NKTR: variants seen among roughly 807,000 people sequenced by gnomAD.
NKTR encodes NK-tumor recognition protein.
A neutral mutation model predicts 156.3 loss-of-function variants in NKTR; 67 were observed. The observed-to-expected ratio is 0.43, with a 90% confidence interval of 0.35 to 0.53. The LOEUF (loss-of-function observed/expected upper bound fraction) is 0.53. Ranked by LOEUF, NKTR falls within the 20% of genes least tolerant of loss-of-function variation. NKTR has a pLI of 0.01. For missense variants in NKTR, 1,604 were observed against 1,730.9 expected, an observed-to-expected ratio of 0.93 and a Z score of 1.30; for synonymous variants, 640 against 596.6, an observed-to-expected ratio of 1.07 and a Z score of -1.06.
chr3:42,601,255 G>C (rs912941304), intron 2 of NKTR, 191 bp downstream of exon 2: 1 of 446,602 alleles, frequency 2.2e-6, no homozygotes, highest in Non-Finnish European at 4.0e-6. Flanking sequence ...TCGCAGTCCG[G>C]GCCTCTTCCT....
At position 42,638,935 on chromosome 3, in the gene NKTR, A is replaced by G; in HGVS notation, c.3231A>G (p.Ser1077=). Residue 1077 remains serine (S), a synonymous_variant, in exon 13 of 17, where the codon TCA becomes TCG. Coordinates refer to ENST00000232978, the MANE Select transcript of NKTR (RefSeq NM_005385.4). ...SGKHDTVTVS[S]DLDQFTKDDS... The stretch of plus-strand genomic sequence containing the variant: ...AACATGATACAGTGACTGTTTCATC[A>G]GATCTTGATCAGTTTACTAAAGATG... The G allele has an allele frequency of 6.2e-7, 1 of 1,612,874 alleles. No individual in the cohort carries two copies. The highest frequency in any genetic ancestry group is 8.5e-7 in the Non-Finnish European group (1 of 1,178,932).
In NKTR at chr3:42,600,708, TG is replaced by T. The variant is rs755992337; in HGVS notation, c.-90del. ...GGAGACGGCGTTCCGTTAGCGGCGT[TG>T]GGGTTTGGCTGCAGTGGCAGTGCTT... On this transcript the variant is annotated 5_prime_UTR_variant, in exon 1 of 17. Transcript: ENST00000232978. The T allele has an allele frequency of 5.9e-5, 15 of 253,180 alleles. No homozygotes were observed. The highest frequency in any genetic ancestry group is 3.2e-4 in the African/African-American group (14 of 44,438). The allele number at this position is 253,180 out of a possible 1,614,324, so 15.7% of individuals were successfully genotyped here. A position where few individuals can be genotyped will look rare whatever the true frequency, so the allele number is the denominator to read the frequency against.
rs1709522602 is a variant in NKTR, at chr3:42,637,382, C to T, written c.1678C>T (p.Arg560Ter). 3.1e-6 allele frequency: 5 copies of T among 1,613,840 alleles called. No individual in the cohort carries two copies. The highest frequency in any genetic ancestry group is 3.4e-6 in the Non-Finnish European group (4 of 1,179,940). Residue 560 changes from arginine to a stop codon, truncating the protein, a stop_gained, in exon 13 of 17, where the codon CGA becomes TGA. Transcript: ENST00000232978. LOFTEE classifies it high-confidence loss of function. ...CAGATCTAGTTCCAAGTCTGGGCAC[C>T]GAAAGAGAGCATCAAAATCACCAAG... ...KSRSSSKSGH[R>*]KRASKSPRKT...
intron 4 of NKTR, 107 bp downstream of exon 4, chr3:42,619,234 T>A: frequency 6.5e-7 from 1 of 1,528,024 alleles, no homozygotes; most frequent in Non-Finnish European, 8.7e-7. Context: ...TGATATAAAA[T>A]GTGGTCAGTG....
chr3:42,616,057 TC>T (rs1304365220), intron 2 of NKTR, among the ~76,000 whole-genome samples: 4 of 152,210 alleles, frequency 2.6e-5, no homozygotes, highest in African/African-American at 9.7e-5. Context: ...AGGAAGGTCT[TC>T]CATCCTGCTT....
intron 13 of NKTR, 39 bp downstream of exon 13, chr3:42,639,789 G>A: frequency 7.4e-7 from 1 of 1,345,078 alleles, no homozygotes; most frequent in Non-Finnish European, 1.0e-6. Flanking sequence ...CCCAAGGAGA[G>A]TCTGTTATTG....
At chr3:42,629,283 ATCT>A in intron 6 of NKTR, 1 of 970,746 alleles carries the variant, frequency 1.0e-6, no homozygotes, top group South Asian at 4.8e-5. Context: ...CCACTTTTCA[ATCT>A]TCTAAGGAAT....
rs527999376 is a variant in NKTR, at chr3:42,620,478, G to A, written c.286+770G>A. On this transcript the variant is annotated intron_variant, in intron 5 of 16. Coordinates refer to ENST00000232978, the MANE Select transcript of NKTR (RefSeq NM_005385.4). Reference sequence around the variant, plus strand: ...AAATCTAATATTACTAGGTTTTAACGCTATAATAGCTTCAGTGTTATAATA... The same window carrying A: ...AAATCTAATATTACTAGGTTTTAACACTATAATAGCTTCAGTGTTATAATA... 1.7e-5 allele frequency: 17 copies of A among 985,532 alleles called. No individual in the cohort carries two copies. The East Asian group carries it at 9.0e-4, about 52-fold the overall frequency. 61.0% of individuals were successfully genotyped at this position (985,532 alleles called of 1,614,324 possible).
chr3:42,624,776 CAA>C lies in NKTR; in HGVS notation c.374+3263_374+3264del, dbSNP rs547978681. Among the ~76,000 whole-genome samples the C allele has an allele frequency of 2.0e-3, 312 of 152,208 alleles. 1 individual carries two copies. The Middle Eastern group carries it at 0.021, about 10-fold the overall frequency. On this transcript the variant is annotated intron_variant, in intron 6 of 16. Transcript: ENST00000232978. The stretch of plus-strand genomic sequence containing the variant: ...AAGCATCAAACATTTTGCTGGAAAA[CAA>C]AATGACATTTGGGGAAACATTCTTT...
At chr3:42,629,126 T>G in intron 6 of NKTR, 2 of 978,232 alleles carry the variant, frequency 2.0e-6, no homozygotes, top group Non-Finnish European at 2.4e-6. Flanking sequence ...AAAGCACATT[T>G]CTATCTTGAA....
Position 42,644,586 on chromosome 3 carries a change from G to A in NKTR, c.4301+583G>A, listed in dbSNP as rs540175158. ...CAATGATGCTTGTAAATATCAGTCT[G>A]ATCTGGATACTCCCTTGCTTGAAAC... On this transcript the variant is annotated intron_variant, in intron 16 of 16. Coordinates refer to ENST00000232978, the MANE Select transcript of NKTR (RefSeq NM_005385.4). Among the ~76,000 whole-genome samples the A allele has an allele frequency of 3.9e-5, 6 of 152,248 alleles. No individual in the cohort carries two copies. In the East Asian group the frequency reaches 9.7e-4, roughly 25 times the overall value.
intron 6 of NKTR, chr3:42,628,453 T>G: frequency 1.0e-6 from 1 of 985,462 alleles, no homozygotes; most frequent in South Asian, 4.7e-5. Context: ...AATGTTTTAT[T>G]CCACCATTTT....
chr3:42,604,658 CCTT>C (rs1706020853), intron 2 of NKTR, among the ~76,000 whole-genome samples: 1 of 78,070 alleles, frequency 1.3e-5, no homozygotes, highest in Non-Finnish European at 2.7e-5. Context: ...CTATTTCTCT[CCTT>C]TTTTTTTTTT....
intron 2 of NKTR, among the ~76,000 whole-genome samples, chr3:42,603,881 A>G (rs2125756145): frequency 6.6e-6 from 1 of 152,026 alleles, no homozygotes; most frequent in East Asian, 1.9e-4. Flanking sequence ...GATTACAGGC[A>G]TGTGCCACCA....
At chr3:42,603,360 T>TAAAA (rs376932471) in intron 2 of NKTR, among the ~76,000 whole-genome samples, 10 of 92,728 alleles carry the variant, frequency 1.1e-4, no homozygotes, top group African/African-American at 1.8e-4. Context: ...ATCTTGTTTC[T>TAAAA]AAAAAAAAAA....
At chr3:42,616,243 A>G (rs1359559414) in intron 2 of NKTR, among the ~76,000 whole-genome samples, 1 of 152,228 alleles carries the variant, frequency 6.6e-6, no homozygotes, top group Non-Finnish European at 1.5e-5. Context: ...GTCCTTTTGA[A>G]TAAATAAAAA....
At chr3:42,640,266 A>T (rs776299311) in intron 13 of NKTR, among the ~76,000 whole-genome samples, 4 of 152,244 alleles carry the variant, frequency 2.6e-5, no homozygotes, top group Non-Finnish European at 5.9e-5. Context: ...AAAAGAATTT[A>T]AAACACCTTT....
rs1236184517 is a variant in NKTR at position 42,632,461 on chromosome 3, A to G, written c.551-140A>G. 3 of 600,712 alleles carry G rather than the reference A, an allele frequency of 5.0e-6. No homozygotes were observed. In the African/African-American group the frequency reaches 5.6e-5, roughly 11 times the overall value. 37.2% of individuals were successfully genotyped at this position (600,712 alleles called of 1,614,324 possible). The stretch of plus-strand genomic sequence containing the variant: ...AATCTTGCCAGTAATTTTATTATAA[A>G]CTTGAAAAAAACTGTCTACATTTCA... On this transcript the variant is annotated intron_variant, in intron 8 of 16. Transcript: ENST00000232978.
chr3:42,601,095 G>T, intron 2 of NKTR, 31 bp downstream of exon 2: 2 of 1,527,240 alleles, frequency 1.3e-6, no homozygotes, highest in Non-Finnish European at 1.8e-6. Flanking sequence ...CGCTGCTGGG[G>T]CCGAGGCCTG....
Sources: gnomAD v4.1 joint callset for allele counts (sites outside exome capture counted in the v4.1 genomes callset) on GRCh38, gnomAD v4.1.1 for gene constraint, MANE v1.5 for transcripts, NCBI Gene and HGNC (gene_info 2026-07-23, HGNC 2026-07-21) for gene names.